NRG1: variants seen among roughly 807,000 people sequenced by gnomAD.
NRG1 encodes the protein pro-neuregulin-1, membrane-bound isoform.
NRG1 carries 18 observed loss-of-function variants against 63.8 expected under a neutral mutation model. The observed-to-expected ratio is 0.28, with a 90% CI of 0.19 to 0.42. NRG1 has a LOEUF of 0.42. Ranked by LOEUF, NRG1 falls within the 10% of genes least tolerant of loss-of-function variation. NRG1 has a pLI of 1.00. For missense variants in NRG1, 762 were observed against 814.7 expected (o/e 0.94, Z 0.79); for synonymous variants, 302 against 301.3 (o/e 1.00, Z -0.02).
chr8:32,081,396 C>A (rs1211723939), intron 1 of NRG1, among the ~76,000 whole-genome samples: 1 of 151,998 alleles, frequency 6.6e-6, no homozygotes, highest in African/African-American at 2.4e-5. Flanking sequence ...GGGAAAGTTC[C>A]CTTTCATTTA....
intron 2 of NRG1, among the ~76,000 whole-genome samples, chr8:32,601,739 A>G (rs1233849535): frequency 6.6e-6 from 1 of 151,942 alleles, no homozygotes; most frequent in Admixed American, 6.6e-5. Flanking sequence ...TTTATCATCA[A>G]ATATCATTCC....
intron 1 of NRG1, among the ~76,000 whole-genome samples, chr8:32,270,387 T>G (rs532793735): frequency 3.9e-5 from 6 of 152,350 alleles, no homozygotes; most frequent in African/African-American, 1.4e-4. Flanking sequence ...TTCCTGTTTA[T>G]GTATTTAACT....
At chr8:32,400,376 G>A (rs568549398) in intron 1 of NRG1, among the ~76,000 whole-genome samples, 2 of 152,206 alleles carry the variant, frequency 1.3e-5, no homozygotes, top group East Asian at 3.9e-4. Context: ...TGAGCTACTT[G>A]GGAGGCTGAT....
chr8:31,670,837 T>C (rs1478127662), intron 1 of NRG1, among the ~76,000 whole-genome samples: 1 of 152,188 alleles, frequency 6.6e-6, no homozygotes, highest in Non-Finnish European at 1.5e-5. Context: ...AGGGGGTGCA[T>C]ATGCAGGTTT....
intron 1 of NRG1, among the ~76,000 whole-genome samples, chr8:31,827,304 A>G (rs1416695280): frequency 1.3e-5 from 2 of 152,232 alleles, no homozygotes; most frequent in Non-Finnish European, 2.9e-5. Context: ...TCTAACTGCT[A>G]CAATTATGCA....
rs557018364 is a variant in NRG1 at position 31,950,562 on chromosome 8, T to C, written c.37+311131T>C. Reference sequence around the variant, plus strand: ...ATAAGAGTCTCCCTCTAGCCTCTCCTTACTTCTGAATAAGCCAAGTTAAGC... The same window carrying C: ...ATAAGAGTCTCCCTCTAGCCTCTCCCTACTTCTGAATAAGCCAAGTTAAGC... On this transcript the variant is annotated intron_variant, in intron 1 of 10. Coordinates refer to the NRG1 transcript ENST00000519301. Among the ~76,000 whole-genome samples the C allele has an allele frequency of 3.9e-5, 6 of 152,336 alleles. No homozygotes were observed. In the South Asian group the frequency reaches 1.2e-3, roughly 32 times the overall value.
At chr8:31,665,159 C>T (rs1165191109) in intron 1 of NRG1, among the ~76,000 whole-genome samples, 1 of 152,098 alleles carries the variant, frequency 6.6e-6, no homozygotes, top group African/African-American at 2.4e-5. Context: ...GTGGATACAA[C>T]ACCCTGGAAA....
downstream of NRG1, among the ~76,000 whole-genome samples, chr8:32,772,041 GTATATATATATATATATATATA>G (rs1157977487): frequency 1.1e-3 from 12 of 10,554 alleles, 1 homozygote; most frequent in African/African-American, 2.5e-3. Context: ...AAAAAAATAT[GTATATATATATATATATATATA>G]TATATATATA....
chr8:32,474,395 A>G (rs1307276275), intron 1 of NRG1, among the ~76,000 whole-genome samples: 1 of 152,004 alleles, frequency 6.6e-6, no homozygotes, highest in Non-Finnish European at 1.5e-5. Context: ...TGCGGTCTCT[A>G]TTCTACAGGC....
chr8:31,816,494 C>T (rs1823460798), intron 1 of NRG1, among the ~76,000 whole-genome samples: 2 of 152,186 alleles, frequency 1.3e-5, no homozygotes, highest in African/African-American at 4.8e-5. Flanking sequence ...CACTTACAAG[C>T]ATATGAATTT....
chr8:31,761,068 A>G (rs1318500740), intron 1 of NRG1, among the ~76,000 whole-genome samples: 6 of 152,226 alleles, frequency 3.9e-5, no homozygotes, highest in Non-Finnish European at 8.8e-5. Flanking sequence ...TCCAACAGTG[A>G]TAGACCGGAT....
At chr8:32,414,411 T>G (rs1027336515) in intron 1 of NRG1, among the ~76,000 whole-genome samples, 8 of 152,336 alleles carry the variant, frequency 5.3e-5, no homozygotes, top group African/African-American at 1.9e-4. Context: ...ATATCTCCCT[T>G]TTTCTTGCCA....
chr8:31,899,807 C>T (rs1004954812), intron 1 of NRG1, among the ~76,000 whole-genome samples: 7 of 151,906 alleles, frequency 4.6e-5, no homozygotes, highest in Non-Finnish European at 8.8e-5. Flanking sequence ...AAATTATTAC[C>T]CTAAGGCAAG....
intron 1 of NRG1, among the ~76,000 whole-genome samples, chr8:32,000,096 G>T (rs1030362971): frequency 2.6e-5 from 4 of 152,170 alleles, no homozygotes; most frequent in South Asian, 2.1e-4. Flanking sequence ...GCTATGAAAG[G>T]TTTGCAGAAG....
chr8:32,650,477 A>T (rs1367580932), intron 5 of NRG1, among the ~76,000 whole-genome samples: 3 of 152,122 alleles, frequency 2.0e-5, no homozygotes, highest in African/African-American at 4.8e-5. Flanking sequence ...TCCTTAAAAA[A>T]ACATCAAATC....
chr8:32,289,061 G>A (rs1217029650), intron 1 of NRG1, among the ~76,000 whole-genome samples: 3 of 152,124 alleles, frequency 2.0e-5, no homozygotes, highest in African/African-American at 7.2e-5. Context: ...CAAACAGAAG[G>A]AGAGTTATAG....
chr8:32,735,341 A>AATT (rs1302534634), intron 6 of NRG1, among the ~76,000 whole-genome samples: 2 of 152,170 alleles, frequency 1.3e-5, no homozygotes, highest in Non-Finnish European at 2.9e-5. Flanking sequence ...AGATTGATTT[A>AATT]ATTATTCAAC....
chr8:32,028,135 C>G (rs1817744905), intron 1 of NRG1, among the ~76,000 whole-genome samples: 1 of 152,086 alleles, frequency 6.6e-6, no homozygotes, highest in Admixed American at 6.6e-5. Context: ...ATTACTAATT[C>G]ATTAATTTTC....
At chr8:32,718,731 T>A (rs934392845) in intron 5 of NRG1, among the ~76,000 whole-genome samples, 1 of 152,092 alleles carries the variant, frequency 6.6e-6, no homozygotes, top group African/African-American at 2.4e-5. Context: ...TTTTTTCCCT[T>A]TAGTGGAATG....
Sources: gnomAD v4.1 joint callset for allele counts (sites outside exome capture counted in the v4.1 genomes callset) on GRCh38, gnomAD v4.1.1 for gene constraint, MANE v1.5 for transcripts, NCBI Gene and HGNC (gene_info 2026-07-23, HGNC 2026-07-21) for gene names.